The following CSMD1 variants were observed in gnomAD, a reference collection of about 807,000 sequenced individuals.
The protein encoded by CSMD1 is CUB and sushi domain-containing protein 1.
Under a neutral mutation model 417.5 loss-of-function variants are expected in CSMD1, and 213 were observed. That is an observed-to-expected ratio of 0.51 (90% CI 0.46 to 0.57). CSMD1 has a LOEUF of 0.57. Ranked by LOEUF, CSMD1 falls within the 20% of genes least tolerant of loss-of-function variation. CSMD1 has a pLI of 0.00. For synonymous variants in CSMD1, 2,862 were observed against 1,736.8 expected (o/e 1.65, Z -16.11); for missense variants, 6,923 against 4,529.7 (o/e 1.53, Z -15.17).
At chr8:4,101,584 T>C (rs1185008978) in intron 3 of CSMD1, among the ~76,000 whole-genome samples, 2 of 152,226 alleles carry the variant, frequency 1.3e-5, no homozygotes, top group African/African-American at 4.8e-5. Context: ...CAGAAGTACA[T>C]TTTAAAATAT....
At chr8:3,357,321 G>C (rs1300795244) in intron 21 of CSMD1, among the ~76,000 whole-genome samples, 1 of 152,166 alleles carries the variant, frequency 6.6e-6, no homozygotes, top group African/African-American at 2.4e-5. Context: ...TGTGTCCTTG[G>C]GCAAAGTTTG....
chr8:3,735,445 G>A (rs551363685), intron 6 of CSMD1, among the ~76,000 whole-genome samples: 12 of 152,272 alleles, frequency 7.9e-5, no homozygotes, highest in African/African-American at 2.9e-4. Context: ...CAAAATGCAG[G>A]TATTAGGCAA....
intron 2 of CSMD1, among the ~76,000 whole-genome samples, chr8:4,620,667 G>A (rs184713975): frequency 9.9e-5 from 15 of 151,800 alleles, no homozygotes; most frequent in African/African-American, 3.4e-4. Context: ...TGCATAGGAC[G>A]AAGATAAAAT....
At chr8:3,660,101 G>A (rs1798333520) in intron 7 of CSMD1, among the ~76,000 whole-genome samples, 1 of 152,172 alleles carries the variant, frequency 6.6e-6, no homozygotes, top group African/African-American at 2.4e-5. Context: ...CGTGATGTAT[G>A]TGGCTGACAT....
intron 1 of CSMD1, among the ~76,000 whole-genome samples, chr8:4,718,284 T>G (rs1168976900): frequency 6.6e-6 from 1 of 152,190 alleles, no homozygotes; most frequent in Admixed American, 6.5e-5. Context: ...ACCATACAAA[T>G]CTATCAAAAT....
intron 5 of CSMD1, among the ~76,000 whole-genome samples, chr8:3,791,700 G>C (rs926640883): frequency 3.9e-5 from 6 of 152,098 alleles, no homozygotes; most frequent in Non-Finnish European, 7.4e-5. Flanking sequence ...GTGGGTACCT[G>C]TAATCCCAGC....
At chr8:4,216,973 G>T (rs1233339760) in intron 3 of CSMD1, among the ~76,000 whole-genome samples, 1 of 152,120 alleles carries the variant, frequency 6.6e-6, no homozygotes, top group African/African-American at 2.4e-5. Flanking sequence ...CCTAGGATAG[G>T]TCCCCACGGT....
chr8:4,912,990 T>C (rs939830988), intron 1 of CSMD1, among the ~76,000 whole-genome samples: 7 of 152,170 alleles, frequency 4.6e-5, no homozygotes, highest in African/African-American at 1.7e-4. Context: ...GGTTTTACCG[T>C]GTTGGCCAGG....
intron 3 of CSMD1, among the ~76,000 whole-genome samples, chr8:4,201,398 G>A (rs948042205): frequency 2.0e-5 from 3 of 151,750 alleles, no homozygotes; most frequent in Non-Finnish European, 2.9e-5. Context: ...ATTAGCCGGG[G>A]GTGGCGCTGG....
At chr8:4,958,723 A>T (rs1585408651) in intron 1 of CSMD1, among the ~76,000 whole-genome samples, 1 of 152,296 alleles carries the variant, frequency 6.6e-6, no homozygotes, top group South Asian at 2.1e-4. Context: ...CTCAATAAAT[A>T]AATGAAGCTT....
chr8:3,401,892 T>C (rs1161542), intron 15 of CSMD1, among the ~76,000 whole-genome samples: 127,008 of 151,776 alleles, frequency 0.84, 53,357 homozygotes, highest in South Asian at 0.87. Flanking sequence ...CTCACTTAGC[T>C]GATAACAAAA....
At chr8:4,539,342 A>G (rs1165558798) in intron 2 of CSMD1, among the ~76,000 whole-genome samples, 1 of 152,188 alleles carries the variant, frequency 6.6e-6, no homozygotes, top group African/African-American at 2.4e-5. Flanking sequence ...AGACTTCCCA[A>G]TCTCTTTCAC....
rs1225191063 is a variant in CSMD1 at position 3,234,924 on chromosome 8, G to C, written c.4154-4693C>G. Among the ~76,000 whole-genome samples, 5 of 152,124 alleles carry C rather than the reference G, an allele frequency of 3.3e-5. No individual in the cohort carries two copies. In the South Asian group the frequency reaches 8.3e-4, roughly 25 times the overall value. On this transcript the variant is annotated intron_variant, in intron 26 of 69. Transcript: ENST00000635120. ...ATCAACTGTTGTTGAGATTTCTCTGGTTTTCAGAAAATAATCAAAAGCAAA... is the reference window on the plus strand; with the variant it reads ...ATCAACTGTTGTTGAGATTTCTCTGCTTTTCAGAAAATAATCAAAAGCAAA...
intron 1 of CSMD1, among the ~76,000 whole-genome samples, chr8:4,944,371 CAA>C (rs550335103): frequency 3.4e-4 from 52 of 152,220 alleles, no homozygotes; most frequent in African/African-American, 1.2e-3. Flanking sequence ...TAAGGGCCAG[CAA>C]AAATGCTCAA....
At position 4,704,018 on chromosome 8, in the gene CSMD1, G is replaced by A. The variant is rs533437487; in HGVS notation, c.86-66460C>T. 3.9e-5 allele frequency among the ~76,000 whole-genome samples: 6 copies of A among 152,266 alleles called. No individual in the cohort carries two copies. In the South Asian group the frequency reaches 8.3e-4, roughly 21 times the overall value. On this transcript the variant is annotated intron_variant, in intron 1 of 69. Coordinates refer to ENST00000635120, the MANE Select transcript of CSMD1 (RefSeq NM_033225.6). The stretch of plus-strand genomic sequence containing the variant: ...GAGAATCTAATGCCGATGCCGATGT[G>A]AGACGAGGCGGATCTCAGGCAGTAA...
intron 1 of CSMD1, among the ~76,000 whole-genome samples, chr8:4,834,676 G>A (rs1585182247): frequency 6.6e-6 from 1 of 152,010 alleles, no homozygotes; most frequent in African/African-American, 2.4e-5. Context: ...AAAAAAAAAG[G>A]CCAGGTGCGG....
At chr8:4,648,051 A>T (rs558980757) in intron 1 of CSMD1, among the ~76,000 whole-genome samples, 1 of 152,072 alleles carries the variant, frequency 6.6e-6, no homozygotes, top group Non-Finnish European at 1.5e-5. Flanking sequence ...AAGTGTTTCT[A>T]TTTCTCCACA....
rs1037666039 is a variant in CSMD1 at position 3,905,960 on chromosome 8, G to A, written c.818+91943C>T. Among the ~76,000 whole-genome samples, 10 of 152,242 alleles carry A rather than the reference G, an allele frequency of 6.6e-5. No homozygotes were observed. The South Asian group carries it at 2.1e-3, about 32-fold the overall frequency. ...TTGGTGCCCCTCAACCATACCTTTT[G>A]ATTTTATCAAACCTGTTCTTTTACC... On this transcript the variant is annotated intron_variant, in intron 5 of 69. Coordinates refer to ENST00000635120, the MANE Select transcript of CSMD1 (RefSeq NM_033225.6).
chr8:4,321,101 C>G (rs988649841), intron 3 of CSMD1, among the ~76,000 whole-genome samples: 2 of 152,092 alleles, frequency 1.3e-5, no homozygotes, highest in Admixed American at 6.6e-5. Context: ...GAGTTTTTGT[C>G]TAGACTCTAG....
Sources: allele counts gnomAD v4.1 joint callset (sites outside exome capture counted in the v4.1 genomes callset), GRCh38; gene constraint gnomAD v4.1.1; transcripts MANE v1.5; gene names NCBI Gene and HGNC (gene_info 2026-07-23, HGNC 2026-07-21).